Variants in CTCF observed in about 807,000 individuals in gnomAD.
The protein encoded by CTCF is CCCTC-binding factor.
CTCF carries 7 observed loss-of-function variants against 72.3 expected under a neutral mutation model. That is an observed-to-expected ratio of 0.10 (90% CI 0.06 to 0.18). The LOEUF is 0.18. Among genes scored for constraint, CTCF ranks in the 10% least tolerant of loss-of-function variants. The pLI is 1.00. For missense variants in CTCF, 516 were observed against 949.1 expected (o/e 0.54, Z 6.00); for synonymous variants, 374 against 315.8 (o/e 1.18, Z -1.95).
At chr16:67,597,590 G>T (rs975411321) in intron 2 of CTCF, among the ~76,000 whole-genome samples, 1 of 152,160 alleles carries the variant, frequency 6.6e-6, no homozygotes, top group Non-Finnish European at 1.5e-5. Context: ...ACCCGCCTTG[G>T]CCTCCCGAAG....
rs2052057008 is a variant in CTCF at position 67,611,189 on chromosome 16, T to C, written c.357T>C (p.Pro119=). 4.3e-6 allele frequency: 7 copies of C among 1,614,158 alleles called. No individual in the cohort carries two copies. The highest frequency in any genetic ancestry group is 5.9e-6 in the Non-Finnish European group (7 of 1,180,020). Residue 119 remains proline (P), a synonymous_variant, in exon 3 of 12, where the codon CCT becomes CCC. Transcript: ENST00000264010. Reference sequence around the variant, plus strand: ...GAGAACTTCAGCTTGTTCAAGTACCTGTTCCTGTGACTGTACCTGTTGCTA... The same window carrying C: ...GAGAACTTCAGCTTGTTCAAGTACCCGTTCCTGTGACTGTACCTGTTGCTA... ...NIGELQLVQV[P]VPVTVPVATT...
chr16:67,590,983 A>AAG (rs370447334), intron 2 of CTCF, among the ~76,000 whole-genome samples: 6 of 127,842 alleles, frequency 4.7e-5, no homozygotes, highest in Non-Finnish European at 6.6e-5. Flanking sequence ...AAAAAAAAAA[A>AAG]TGCTGGACTG....
At chr16:67,571,950 G>A (rs2051427305) in intron 2 of CTCF, among the ~76,000 whole-genome samples, 1 of 152,082 alleles carries the variant, frequency 6.6e-6, no homozygotes, top group South Asian at 2.1e-4. Context: ...TGGGATTCTG[G>A]TTGTAAAAAT....
chr16:67,584,303 C>T (rs896524032), intron 2 of CTCF, among the ~76,000 whole-genome samples: 2 of 145,756 alleles, frequency 1.4e-5, no homozygotes, highest in East Asian at 4.0e-4. Context: ...GCCTGGATGA[C>T]GAACGGAACT....
At chr16:67,569,478 C>G (rs888309063) in intron 1 of CTCF, among the ~76,000 whole-genome samples, 4 of 152,164 alleles carry the variant, frequency 2.6e-5, no homozygotes, top group African/African-American at 9.7e-5. Context: ...GCCATTGTGC[C>G]TGGCCTGGGA....
intron 5 of CTCF, among the ~76,000 whole-genome samples, chr16:67,617,779 C>G (rs1597718774): frequency 6.6e-6 from 1 of 152,132 alleles, no homozygotes; most frequent in South Asian, 2.1e-4. Context: ...GTAGGTTTAT[C>G]AATTTTATTA....
chr16:67,594,222 CTG>C (rs372332792), intron 2 of CTCF, among the ~76,000 whole-genome samples: 89 of 152,008 alleles, frequency 5.9e-4, no homozygotes, highest in African/African-American at 2.0e-3. Flanking sequence ...GATCCCATCT[CTG>C]TAAAATAAAA....
At chr16:67,590,635 C>A (rs1025455805) in intron 2 of CTCF, among the ~76,000 whole-genome samples, 2 of 151,350 alleles carry the variant, frequency 1.3e-5, no homozygotes, top group Admixed American at 6.6e-5. Context: ...CCGTGCCCGG[C>A]CCTAACTGTT....
At chr16:67,633,899 C>T (rs1025377327) in intron 10 of CTCF, among the ~76,000 whole-genome samples, 2 of 152,026 alleles carry the variant, frequency 1.3e-5, no homozygotes, top group African/African-American at 4.8e-5. Flanking sequence ...GGCTTAGTGT[C>T]CTGCTTTATC....
chr16:67,625,863 CCA>C, intron 7 of CTCF, among the ~76,000 whole-genome samples: 1 of 141,552 alleles, frequency 7.1e-6, no homozygotes, highest in Non-Finnish European at 1.5e-5. Flanking sequence ...AAGCCCTCTT[CCA>C]CTATTCTTGT....
At position 67,612,342 on chromosome 16, in the gene CTCF, A is replaced by G. The variant is rs532011261; in HGVS notation, c.952+221A>G. 1.9e-4 allele frequency: 72 copies of G among 381,562 alleles called. 1 individual carries two copies. The highest frequency in any genetic ancestry group is 1.4e-3 in the African/African-American group (66 of 47,362). The allele number at this position is 381,562 out of a possible 1,614,324, so 23.6% of individuals were successfully genotyped here. On this transcript the variant is annotated intron_variant, in intron 4 of 11. Coordinates refer to ENST00000264010, the MANE Select transcript of CTCF (RefSeq NM_006565.4). ...AATAACACCCTCTCTCTTAAAAAAA[A>G]GAAGTCTCAGGCAATAGATGCCTGG...
At chr16:67,564,053 G>GGGGCTACA (rs1352582176) in intron 1 of CTCF, 1 of 152,180 alleles carries the variant, frequency 6.6e-6, no homozygotes, top group Non-Finnish European at 1.5e-5. Flanking sequence ...CGAGTTCAGC[G>GGGGCTACA]TTAAGTAAAC....
chr16:67,596,639 C>T (rs2051819421), intron 2 of CTCF, among the ~76,000 whole-genome samples: 1 of 152,044 alleles, frequency 6.6e-6, no homozygotes, highest in South Asian at 2.1e-4. Flanking sequence ...GGCTGGAATG[C>T]AGTGGCACGA....
At chr16:67,607,227 G>C (rs1397608233) in intron 2 of CTCF, among the ~76,000 whole-genome samples, 1 of 152,104 alleles carries the variant, frequency 6.6e-6, no homozygotes, top group Non-Finnish European at 1.5e-5. Context: ...AAAATGCTGG[G>C]ATTACAGGCC....
chr16:67,621,401 ATTCAT>A (rs770378139), intron 6 of CTCF, 36 bp from the exon 7 acceptor site: 3 of 1,427,786 alleles, frequency 2.1e-6, no homozygotes, highest in Non-Finnish European at 3.0e-6. Context: ...TACAGTATTT[ATTCAT>A]TTCATTTATG....
At chr16:67,587,867 G>GT (rs2051688844) in intron 2 of CTCF, among the ~76,000 whole-genome samples, 1 of 151,950 alleles carries the variant, frequency 6.6e-6, no homozygotes, top group South Asian at 2.1e-4. Flanking sequence ...TTTTGTTGTT[G>GT]TTTGTTTTGT....
chr16:67,609,185 G>T (rs904677080), intron 2 of CTCF, among the ~76,000 whole-genome samples: 1 of 152,162 alleles, frequency 6.6e-6, no homozygotes, highest in Non-Finnish European at 1.5e-5. Context: ...TGGAAATGTG[G>T]CAAGACCCCA....
chr16:67,617,957 T>A (rs1005401856), intron 5 of CTCF, among the ~76,000 whole-genome samples: 1 of 152,216 alleles, frequency 6.6e-6, no homozygotes, highest in African/African-American at 2.4e-5. Flanking sequence ...ACACAAAGAT[T>A]GTTTATCATT....
Position 67,616,885 on chromosome 16 carries a change from G to A in CTCF, c.1086+7G>A, listed in dbSNP as rs2142839830. 1 of 1,613,844 alleles carries A rather than the reference G, an allele frequency of 6.2e-7. No homozygotes were observed. The highest frequency in any genetic ancestry group is 8.5e-7 in the Non-Finnish European group (1 of 1,179,766). ...CGATTACGCCAGTGTAGAAGTGAGTGTTCAGCTTTTTGTTGGTATCTCTCT... is the reference window on the plus strand; with the variant it reads ...CGATTACGCCAGTGTAGAAGTGAGTATTCAGCTTTTTGTTGGTATCTCTCT... On this transcript the variant is annotated splice_region_variant and intron_variant, in intron 5 of 11. Coordinates refer to ENST00000264010, the MANE Select transcript of CTCF (RefSeq NM_006565.4).
Sources: gnomAD v4.1 joint callset for allele counts (sites outside exome capture counted in the v4.1 genomes callset) on GRCh38, gnomAD v4.1.1 for gene constraint, MANE v1.5 for transcripts, NCBI Gene and HGNC (gene_info 2026-07-23, HGNC 2026-07-21) for gene names.